Variants in COL25A1 observed in about 807,000 individuals in gnomAD.
COL25A1 encodes the protein collagen type XXV alpha 1 chain.
Under a neutral mutation model 128.4 loss-of-function variants are expected in COL25A1, and 103 were observed. That is an observed-to-expected ratio of 0.80 (90% confidence interval 0.68 to 0.94). The LOEUF (loss-of-function observed/expected upper bound fraction) is 0.94, where lower values mean the gene tolerates loss of function less well. Among genes scored for constraint, COL25A1 ranks in the 40% least tolerant of loss-of-function variants. COL25A1 has a pLI of 0.00. For synonymous variants in COL25A1, 279 were observed against 277.2 expected, an observed-to-expected ratio of 1.01 and a Z score of -0.06; for missense variants, 745 against 840.0, an observed-to-expected ratio of 0.89 and a Z score of 1.40.
intron 37 of COL25A1, among the ~76,000 whole-genome samples, chr4:108,816,777 T>C (rs980516976): frequency 6.6e-5 from 10 of 152,180 alleles, no homozygotes; most frequent in Non-Finnish European, 1.3e-4. Flanking sequence ...TGATATTCTC[T>C]ATATGAAAAG....
At chr4:109,073,913 T>C (rs1488535401) in intron 3 of COL25A1, among the ~76,000 whole-genome samples, 2 of 152,162 alleles carry the variant, frequency 1.3e-5, no homozygotes, top group Admixed American at 6.5e-5. Context: ...ACAAAAACAA[T>C]GTCCTTTTGC....
At chr4:108,898,065 T>C (rs1050708846) in intron 15 of COL25A1, among the ~76,000 whole-genome samples, 2 of 152,190 alleles carry the variant, frequency 1.3e-5, no homozygotes, top group Non-Finnish European at 2.9e-5. Flanking sequence ...AGTAATGTGT[T>C]ATGAGGGATC....
At chr4:109,065,558 GTGT>G (rs1762375165) in intron 3 of COL25A1, among the ~76,000 whole-genome samples, 1 of 151,506 alleles carries the variant, frequency 6.6e-6, no homozygotes, top group African/African-American at 2.4e-5. Flanking sequence ...GTGTGTGTGT[GTGT>G]GTGTGTGTGT....
intron 3 of COL25A1, among the ~76,000 whole-genome samples, chr4:109,143,095 G>A (rs547737022): frequency 1.5e-4 from 23 of 152,256 alleles, no homozygotes; most frequent in African/African-American, 5.1e-4. Context: ...CTCTTGTAAG[G>A]CAAGCCTGGT....
chr4:108,942,365 C>T (rs1748216693), intron 8 of COL25A1: 1 of 1,095,002 alleles, frequency 9.1e-7, no homozygotes, highest in Non-Finnish European at 1.4e-6. Flanking sequence ...CTAGCACCTC[C>T]CTTTCCTGGG....
intron 10 of COL25A1, 105 bp downstream of exon 10, chr4:108,940,434 T>TTGACCCCC: frequency 1.1e-6 from 1 of 897,764 alleles, no homozygotes; most frequent in Non-Finnish European, 1.9e-6. Context: ...CTCCACTCAC[T>TTGACCCCC]TGACCCCCTG....
intron 3 of COL25A1, among the ~76,000 whole-genome samples, chr4:109,179,868 C>G (rs900752638): frequency 6.6e-6 from 1 of 152,124 alleles, no homozygotes; most frequent in Non-Finnish European, 1.5e-5. Context: ...CATATGAAAT[C>G]AATAGGGATT....
intron 19 of COL25A1, among the ~76,000 whole-genome samples, chr4:108,870,632 T>C (rs576558630): frequency 5.9e-5 from 9 of 152,282 alleles, no homozygotes; most frequent in African/African-American, 1.7e-4. Flanking sequence ...TTCAGAGAAA[T>C]CAATGGCGAT....
intron 6 of COL25A1, among the ~76,000 whole-genome samples, chr4:109,008,317 T>C (rs554306895): frequency 6.6e-6 from 1 of 152,322 alleles, no homozygotes; most frequent in Admixed American, 6.5e-5. Flanking sequence ...ATGCTCTACA[T>C]AGTCTCTCAA....
intron 8 of COL25A1, among the ~76,000 whole-genome samples, chr4:108,947,727 T>TA (rs368938861): frequency 1.3e-5 from 2 of 152,310 alleles, no homozygotes; most frequent in Non-Finnish European, 2.9e-5. Context: ...GCATCATCAA[T>TA]AATGCTGCCT....
intron 3 of COL25A1, among the ~76,000 whole-genome samples, chr4:109,272,365 T>C (rs1442188085): frequency 1.3e-5 from 2 of 152,212 alleles, no homozygotes; most frequent in Non-Finnish European, 2.9e-5. Context: ...CTACATGCCA[T>C]TATCTAAATA....
chr4:109,159,827 G>A (rs1249135019), intron 3 of COL25A1, among the ~76,000 whole-genome samples: 5 of 152,098 alleles, frequency 3.3e-5, no homozygotes, highest in East Asian at 1.9e-4. Flanking sequence ...AGAAATATTC[G>A]TGAGCTAGCA....
chr4:109,198,483 C>G (rs1033483575), intron 3 of COL25A1, among the ~76,000 whole-genome samples: 8 of 152,100 alleles, frequency 5.3e-5, no homozygotes, highest in Non-Finnish European at 1.2e-4. Flanking sequence ...AGAAAGACTC[C>G]TTTTACTCCC....
At chr4:108,834,460 G>A (rs1347458343) in intron 31 of COL25A1, 5 of 1,361,366 alleles carry the variant, frequency 3.7e-6, no homozygotes, top group Non-Finnish European at 4.1e-6. Context: ...TTAGTATGAG[G>A]TACCGATGAA....
intron 3 of COL25A1, among the ~76,000 whole-genome samples, chr4:109,142,265 A>C (rs1051733357): frequency 3.8e-4 from 58 of 152,132 alleles, no homozygotes; most frequent in African/African-American, 1.4e-3. Flanking sequence ...CCTGAGTTCT[A>C]ATTTGATTGC....
intron 19 of COL25A1, among the ~76,000 whole-genome samples, chr4:108,874,800 C>A: frequency 6.6e-6 from 1 of 151,268 alleles, no homozygotes; most frequent in South Asian, 2.1e-4. Context: ...TGGCTTGTTG[C>A]ATATATCAGG....
chr4:109,223,709 T>C (rs1778586191), intron 3 of COL25A1, among the ~76,000 whole-genome samples: 1 of 152,144 alleles, frequency 6.6e-6, no homozygotes, highest in Admixed American at 6.5e-5. Flanking sequence ...GTGCCCTATC[T>C]GCTGCATTTA....
intron 3 of COL25A1, among the ~76,000 whole-genome samples, chr4:109,239,420 A>ATATG (rs1553965400): frequency 0.046 from 5,678 of 123,738 alleles, 144 homozygotes; most frequent in Middle Eastern, 0.084. Context: ...ATATATATAT[A>ATATG]TATTTATTTA....
chr4:109,223,869 C>G (rs921535328), intron 3 of COL25A1, among the ~76,000 whole-genome samples: 1 of 152,106 alleles, frequency 6.6e-6, no homozygotes, highest in Non-Finnish European at 1.5e-5. Flanking sequence ...TAGTGTGTGA[C>G]AAGTGCTGAG....
Sources: gnomAD v4.1 joint callset for allele counts (sites outside exome capture counted in the v4.1 genomes callset) on GRCh38, gnomAD v4.1.1 for gene constraint, MANE v1.5 for transcripts, NCBI Gene and HGNC (gene_info 2026-07-23, HGNC 2026-07-21) for gene names.